Variants in TGM1 observed in about 807,000 individuals in gnomAD.
TGM1 encodes the protein protein-glutamine gamma-glutamyltransferase K.
Under a neutral mutation model 88.7 loss-of-function variants are expected in TGM1, and 63 were observed. That is an observed-to-expected ratio of 0.71 (90% CI 0.58 to 0.88). TGM1 has a LOEUF of 0.88. Among genes scored for constraint, TGM1 ranks in the 40% least tolerant of loss-of-function variants. The pLI is 0.00. For synonymous variants in TGM1, 415 were observed against 431.1 expected (o/e 0.96, Z 0.46); for missense variants, 996 against 1,118.0 (o/e 0.89, Z 1.56).
intron 2 of TGM1, 25 bp from the exon 3 acceptor site, chr14:24,261,908 G>A: frequency 1.2e-6 from 2 of 1,612,092 alleles, no homozygotes; most frequent in South Asian, 2.2e-5. Context: ...CTCCGTGTCA[G>A]TGAAGCCCCA....
chr14:24,258,337 C>T lies in TGM1; in HGVS notation c.1350G>A (p.Ser450=), dbSNP rs571310594. ...CCACCACCTGCCACCCATCAAAGCC[C>T]GAGGGCAGATCCGGCCTCTTCATCC... is the stretch of plus-strand genomic sequence containing the variant. ...DCWMKRPDLP[S]GFDGWQVVDA... The change falls in exon 9 of 15, where the codon TCG becomes TCA. Residue 450 remains serine (S), a synonymous_variant. Transcript: ENST00000206765. 1.5e-5 allele frequency: 25 copies of T among 1,613,956 alleles called. No homozygotes were observed. The highest frequency in any genetic ancestry group is 4.5e-5 in the East Asian group (2 of 44,892).
rs2040742736 is a variant in TGM1, at chr14:24,255,458, A to G, written c.1551T>C (p.Tyr517=). 6.2e-7 allele frequency: 1 copy of G among 1,614,122 alleles called. No homozygotes were observed. Among genetic ancestry groups the G allele is most frequent in the South Asian group, 1.1e-5 (1 of 91,084 alleles). ...GTGTGCCGATGGCCTTCTCCTCCAC[A>G]TAAACAATCTTGAAGCTGCCATCAT... ...RQDDGSFKIV[Y]VEEKAIGTLI... Residue 517 remains tyrosine, a synonymous_variant, in exon 11 of 15, where the codon TAT becomes TAC. Transcript: ENST00000206765. This position sits in a 1 kb window ranked among gnomAD's most constrained non-coding sequence, Gnocchi z 4.0.
At chr14:24,256,129 T>G (rs891165205) in intron 9 of TGM1, 52 bp from the exon 10 acceptor site, 2 of 1,456,040 alleles carry the variant, frequency 1.4e-6, no homozygotes, top group Admixed American at 3.9e-5. Flanking sequence ...CGGAGAGGGC[T>G]CTTCAGACCC....
rs764364166 is a variant in TGM1 at position 24,254,322 on chromosome 14, A to G, written c.2089-34T>C. ...AAAAGAGGCCCATCCCCCACGTCAGAGACCCTGGCCAAACACACGGGGACC... is the reference window on the plus strand; with the variant it reads ...AAAAGAGGCCCATCCCCCACGTCAGGGACCCTGGCCAAACACACGGGGACC... On this transcript the variant is annotated intron_variant, in intron 13 of 14. Coordinates refer to ENST00000206765, the MANE Select transcript of TGM1 (RefSeq NM_000359.3). 15 of 1,613,722 alleles carry G rather than the reference A, an allele frequency of 9.3e-6. No homozygotes were observed. In the African/African-American group the frequency reaches 1.7e-4, roughly 19 times the overall value.
At chr14:24,260,270 G>T in intron 4 of TGM1, 180 bp downstream of exon 4, 2 of 1,073,392 alleles carry the variant, frequency 1.9e-6, no homozygotes, top group Non-Finnish European at 2.7e-6. Context: ...AGGTGTGGCT[G>T]GCTGTGTGAC....
At chr14:24,257,876 CT>C (rs982374582) in intron 9 of TGM1, among the ~76,000 whole-genome samples, 2 of 151,682 alleles carry the variant, frequency 1.3e-5, no homozygotes, top group African/African-American at 4.8e-5. Flanking sequence ...CAATTCTATA[CT>C]TTTTTTTTCC....
In TGM1 at chr14:24,249,119, T is replaced by TA; in HGVS notation, c.*193dup. ...AAGATGGACAGAGCAGCAGCTTCAT[T>TA]AAAAAACAGTTTATTAGCATCTGTT... On this transcript the variant is annotated 3_prime_UTR_variant, in exon 15 of 15. Coordinates refer to ENST00000206765, the MANE Select transcript of TGM1 (RefSeq NM_000359.3). The TA allele has an allele frequency of 1.5e-6, 1 of 645,952 alleles. No homozygotes were observed. The allele number at this position is 645,952 out of a possible 1,614,324, so 40.0% of individuals were successfully genotyped here. A position where few individuals can be genotyped will look rare whatever the true frequency, so the allele number is the denominator to read the frequency against.
At position 24,259,348 on chromosome 14, in the gene TGM1, C is replaced by T. The variant is rs2040785400; in HGVS notation, c.985-99G>A. 8.5e-7 allele frequency: 1 copy of T among 1,179,672 alleles called. No individual in the cohort carries two copies. Among genetic ancestry groups the T allele is most frequent in the South Asian group, 1.3e-5 (1 of 76,270 alleles). The allele number at this position is 1,179,672 out of a possible 1,614,324, so 73.1% of individuals were successfully genotyped here. A position where few individuals can be genotyped will look rare whatever the true frequency, so the allele number is the denominator to read the frequency against. On this transcript the variant is annotated intron_variant, in intron 6 of 14. Coordinates refer to ENST00000206765, the MANE Select transcript of TGM1 (RefSeq NM_000359.3). This position sits in a 1 kb window ranked among gnomAD's most constrained non-coding sequence, Gnocchi z 5.7. ...AGCCGGGCCCCGATCCTGCAACCAC[C>T]CCTTACCCCTAAATGCCTCAGGATC...
At position 24,249,395 on chromosome 14, in the gene TGM1, C is replaced by T; in HGVS notation, c.2372G>A (p.Gly791Glu). The T allele has an allele frequency of 6.2e-7, 1 of 1,614,144 alleles. No homozygotes were observed. Among genetic ancestry groups the T allele is most frequent in the Admixed American group, 1.7e-5 (1 of 60,028 alleles). ...VIQVDVAPAP[G>E]DGGFFSDAGG... ...AGCGTCTGAGAAGAAGCCCCCATCC[C>T]CAGGGGCTGGGGCCACATCCACCTG... Residue 791 changes from glycine (G) to glutamate (E), a missense_variant, in exon 15 of 15, where the codon GGG becomes GAG. Coordinates refer to ENST00000206765, the MANE Select transcript of TGM1 (RefSeq NM_000359.3).
chr14:24,254,366 G>T (rs1276846484), intron 13 of TGM1, 78 bp from the exon 14 acceptor site: 3 of 1,606,880 alleles, frequency 1.9e-6, no homozygotes, highest in South Asian at 1.1e-5. Context: ...CACCAGAGAG[G>T]GGAAGCTGCT....
At chr14:24,263,010 C>T (rs1427761553) in intron 1 of TGM1, 79 bp downstream of exon 1, 1 of 155,746 alleles carries the variant, frequency 6.4e-6, no homozygotes, top group Non-Finnish European at 1.4e-5. Context: ...CCACACCCCA[C>T]CTTGCTGGAT....
Position 24,259,664 on chromosome 14 carries a change from G to A in TGM1, c.984+40C>T, listed in dbSNP as rs780109125. On this transcript the variant is annotated intron_variant, in intron 6 of 14. Coordinates refer to ENST00000206765, the MANE Select transcript of TGM1 (RefSeq NM_000359.3). This position sits in a 1 kb window ranked among gnomAD's most constrained non-coding sequence, Gnocchi z 5.7. ...GGGTGGGGGTGTGGCGAGGCAGCAG[G>A]CACACACACAGTAGGACTCAGAGAT... The A allele has an allele frequency of 3.9e-6, 6 of 1,530,346 alleles. No homozygotes were observed. The highest frequency in any genetic ancestry group is 4.5e-6 in the Non-Finnish European group (5 of 1,114,770). The allele number at this position is 1,530,346 out of a possible 1,614,324, so 94.8% of individuals were successfully genotyped here.
At chr14:24,251,811 C>T (rs1465606339) in intron 14 of TGM1, among the ~76,000 whole-genome samples, 2 of 152,200 alleles carry the variant, frequency 1.3e-5, no homozygotes, top group Admixed American at 1.3e-4. Context: ...GGCAGTTACC[C>T]ACTTGTTCAC....
At chr14:24,260,821 C>T (rs2040802753) in intron 3 of TGM1, 123 bp from the exon 4 acceptor site, 13 of 1,317,408 alleles carry the variant, frequency 9.9e-6, no homozygotes, top group Non-Finnish European at 1.3e-5. Flanking sequence ...TACGTTGGGC[C>T]ATCACCTTAT....
Position 24,249,468 on chromosome 14 carries a change from T to C in TGM1, c.2299A>G (p.Ile767Val). 1 of 1,614,006 alleles carries C rather than the reference T, an allele frequency of 6.2e-7. No homozygotes were observed. Among genetic ancestry groups the C allele is most frequent in the Non-Finnish European group, 8.5e-7 (1 of 1,179,978 alleles). ...VPVRPGPRQL[I>V]ASLDSPQLSQ... ...AGCTGTGGGCTGTCCAAGCTGGCAATGAGCTGGCGGGGGCCTGGTCGCACA... is the reference window on the plus strand; with the variant it reads ...AGCTGTGGGCTGTCCAAGCTGGCAACGAGCTGGCGGGGGCCTGGTCGCACA... The change falls in exon 15 of 15, where the codon ATT (isoleucine) becomes GTT (valine). Residue 767 changes from isoleucine (I) to valine (V), a missense_variant. Transcript: ENST00000206765.
At chr14:24,249,660 G>A (rs2040684387) in intron 14 of TGM1, 119 bp from the exon 15 acceptor site, 2 of 966,082 alleles carry the variant, frequency 2.1e-6, no homozygotes. Context: ...ACAATTCCAG[G>A]CTTACCTGAA....
intron 14 of TGM1, among the ~76,000 whole-genome samples, chr14:24,252,254 T>C (rs758154617): frequency 1.3e-5 from 2 of 152,228 alleles, no homozygotes; most frequent in Admixed American, 6.5e-5. Flanking sequence ...AGCCACAGAC[T>C]GTCCAGGGAG....
chr14:24,252,439 G>C (rs1405743506), intron 14 of TGM1, among the ~76,000 whole-genome samples: 1 of 152,250 alleles, frequency 6.6e-6, no homozygotes, highest in African/African-American at 2.4e-5. Context: ...GGCAAGTCCA[G>C]CTCTGCGGAT....
At chr14:24,253,822 A>C (rs2040720628) in intron 14 of TGM1, among the ~76,000 whole-genome samples, 1 of 152,112 alleles carries the variant, frequency 6.6e-6, no homozygotes, top group South Asian at 2.1e-4. Context: ...TCCAAAGGAG[A>C]TAATATTCCT....
Sources: gnomAD v4.1 joint callset for allele counts (sites outside exome capture counted in the v4.1 genomes callset) on GRCh38, gnomAD v4.1.1 for gene constraint, Gnocchi (gnomAD v3.1) non-coding constraint, MANE v1.5 for transcripts, NCBI Gene and HGNC (gene_info 2026-07-23, HGNC 2026-07-21) for gene names.